Variants in GABBR2 observed in about 807,000 individuals in gnomAD.
GABBR2 encodes the protein gamma-aminobutyric acid type B receptor subunit 2.
GABBR2 carries 23 observed loss-of-function variants against 105.6 expected under a neutral mutation model. The ratio of observed to expected loss-of-function variants is 0.22; its 90% confidence interval spans 0.16 to 0.31. The LOEUF is 0.31. GABBR2 is among the 10% of genes least tolerant of loss of function. The probability of loss-of-function intolerance (pLI) is 1.00; values close to 1 mark genes in which losing one functional copy is unlikely to be tolerated. For missense variants in GABBR2, 734 were observed against 1,245.5 expected, an observed-to-expected ratio of 0.59 and a Z score of 6.18; for synonymous variants, 478 against 499.7, an observed-to-expected ratio of 0.96 and a Z score of 0.58.
At chr9:98,509,758 T>G (rs1303668943) in intron 3 of GABBR2, among the ~76,000 whole-genome samples, 1 of 152,074 alleles carries the variant, frequency 6.6e-6, no homozygotes, top group Non-Finnish European at 1.5e-5. Context: ...CTCCAAGAAA[T>G]ATGGGACTAT....
chr9:98,568,817 C>A (rs1414136457), intron 2 of GABBR2, among the ~76,000 whole-genome samples: 2 of 152,166 alleles, frequency 1.3e-5, no homozygotes, highest in Non-Finnish European at 2.9e-5. Context: ...TGTATCCAAA[C>A]AAAAAGCTAC....
At chr9:98,676,350 A>C (rs1830477433) in intron 1 of GABBR2, among the ~76,000 whole-genome samples, 1 of 152,274 alleles carries the variant, frequency 6.6e-6, no homozygotes. Flanking sequence ...CCAGACCTCC[A>C]GAACTATAAG....
intron 13 of GABBR2, among the ~76,000 whole-genome samples, chr9:98,344,383 G>T (rs1248994096): frequency 6.6e-6 from 1 of 151,876 alleles, no homozygotes; most frequent in Non-Finnish European, 1.5e-5. Flanking sequence ...AACATATTTG[G>T]CAGGTTTATC....
intron 1 of GABBR2, among the ~76,000 whole-genome samples, chr9:98,682,366 C>CTTCTTTTT (rs1830561030): frequency 1.1e-4 from 6 of 52,226 alleles, no homozygotes; most frequent in African/African-American, 4.5e-4. Context: ...ATTTTACCAT[C>CTTCTTTTT]TTTTTTTTTT....
intron 7 of GABBR2, among the ~76,000 whole-genome samples, chr9:98,419,224 C>G (rs1341506020): frequency 6.6e-6 from 1 of 152,170 alleles, no homozygotes; most frequent in African/African-American, 2.4e-5. Context: ...GAAAAATGGA[C>G]AAGATTTGGT....
intron 1 of GABBR2, chr9:98,607,987 A>G: frequency 7.8e-7 from 1 of 1,289,260 alleles, no homozygotes; most frequent in Non-Finnish European, 1.1e-6. Context: ...ATGAAAAGGA[A>G]TTTGGAAGCA....
chr9:98,638,513 T>C (rs1189132282), intron 1 of GABBR2, among the ~76,000 whole-genome samples: 4 of 152,066 alleles, frequency 2.6e-5, no homozygotes, highest in African/African-American at 9.7e-5. Context: ...GTGGTTAAGA[T>C]AAATATTAAA....
chr9:98,488,977 C>A (rs1827118249), intron 4 of GABBR2, among the ~76,000 whole-genome samples: 1 of 152,164 alleles, frequency 6.6e-6, no homozygotes, highest in African/African-American at 2.4e-5. Context: ...ATCTTCAGAG[C>A]AGGTGGTGGC....
At chr9:98,299,101 G>T (rs1413003881) in intron 17 of GABBR2, 123 bp downstream of exon 17, 4 of 818,410 alleles carry the variant, frequency 4.9e-6, no homozygotes, top group Admixed American at 2.0e-5. Flanking sequence ...CTCTGTGTGT[G>T]TGACTTCATA....
intron 11 of GABBR2, among the ~76,000 whole-genome samples, chr9:98,383,022 C>G: frequency 6.6e-6 from 1 of 152,084 alleles, no homozygotes; most frequent in East Asian, 1.9e-4. Context: ...CTCACTGTAA[C>G]CCCTGCCTCC....
intron 2 of GABBR2, among the ~76,000 whole-genome samples, chr9:98,557,115 A>G (rs1250696295): frequency 6.6e-6 from 1 of 152,276 alleles, no homozygotes; most frequent in East Asian, 1.9e-4. Flanking sequence ...TCCTAGTGCT[A>G]TAATAGAAGA....
At chr9:98,323,977 T>C (rs766090136) in intron 13 of GABBR2, among the ~76,000 whole-genome samples, 63 of 152,194 alleles carry the variant, frequency 4.1e-4, no homozygotes, top group Non-Finnish European at 7.6e-4. Flanking sequence ...TTCAGTTTCA[T>C]TAGATCTGCC....
At chr9:98,637,113 G>A (rs1389282520) in intron 1 of GABBR2, among the ~76,000 whole-genome samples, 2 of 152,080 alleles carry the variant, frequency 1.3e-5, no homozygotes, top group African/African-American at 2.4e-5. Flanking sequence ...ATCTGATATC[G>A]AACTGAAAAC....
intron 13 of GABBR2, among the ~76,000 whole-genome samples, chr9:98,334,453 C>G (rs1409664822): frequency 6.6e-6 from 1 of 152,192 alleles, no homozygotes; most frequent in Non-Finnish European, 1.5e-5. Context: ...CCAGTCAGGT[C>G]ACCTACTCAG....
At chr9:98,686,123 A>T (rs988130668) in intron 1 of GABBR2, among the ~76,000 whole-genome samples, 3 of 152,058 alleles carry the variant, frequency 2.0e-5, no homozygotes, top group Non-Finnish European at 4.4e-5. Context: ...TTCACCCTTG[A>T]TATCTGATCA....
chr9:98,675,118 G>T (rs545228976), intron 1 of GABBR2, among the ~76,000 whole-genome samples: 3 of 152,178 alleles, frequency 2.0e-5, no homozygotes, highest in Non-Finnish European at 4.4e-5. Context: ...TCAGAGGGAA[G>T]GGCCTTTTCT....
At position 98,524,824 on chromosome 9, in the gene GABBR2, T is replaced by TA. The variant is rs1336718486; in HGVS notation, c.630+17048dup. 5.5e-3 allele frequency among the ~76,000 whole-genome samples: 813 copies of TA among 148,680 alleles called. 12 individuals carry two copies. The highest frequency in any genetic ancestry group is 0.024 in the Middle Eastern group (7 of 292). Reference sequence around the variant, plus strand: ...CTAAGTCAGATAAAATCCCTCTTATTAAAAAAAAAACTCTCCAGTAGTCCA... The same window carrying TA: ...CTAAGTCAGATAAAATCCCTCTTATTAAAAAAAAAAACTCTCCAGTAGTCCA... On this transcript the variant is annotated intron_variant, in intron 3 of 18. Transcript: ENST00000259455.
chr9:98,385,359 T>C (rs1184358078), intron 11 of GABBR2, among the ~76,000 whole-genome samples: 1 of 152,222 alleles, frequency 6.6e-6, no homozygotes, highest in Non-Finnish European at 1.5e-5. Context: ...TACACCAGCA[T>C]GCCTGGCTAA....
chr9:98,646,982 G>T (rs896076993), intron 1 of GABBR2, among the ~76,000 whole-genome samples: 1 of 152,172 alleles, frequency 6.6e-6, no homozygotes, highest in East Asian at 1.9e-4. Context: ...TTCCTATCCA[G>T]GGGTCCCCCA....
Sources: gnomAD v4.1 joint callset for allele counts (sites outside exome capture counted in the v4.1 genomes callset) on GRCh38, gnomAD v4.1.1 for gene constraint, MANE v1.5 for transcripts, NCBI Gene and HGNC (gene_info 2026-07-23, HGNC 2026-07-21) for gene names.